PPP2R3B: variants seen among roughly 807,000 people sequenced by gnomAD.
PPP2R3B encodes the protein protein phosphatase 2 regulatory subunit B''beta, also known as serine/threonine-protein phosphatase 2A regulatory subunit B'' subunit beta.
A neutral mutation model predicts 72.9 loss-of-function variants in PPP2R3B; 68 were observed. The ratio of observed to expected loss-of-function variants is 0.93; its 90% CI spans 0.77 to 1.14. The LOEUF (loss-of-function observed/expected upper bound fraction) is 1.14. Among genes scored for constraint, PPP2R3B ranks in the 50% most tolerant of loss-of-function variants. PPP2R3B has a pLI of 0.00. For synonymous variants in PPP2R3B, 466 were observed against 375.8 expected (o/e 1.24, Z -2.78); for missense variants, 1,018 against 842.0 (o/e 1.21, Z -2.59).
chrX:363,651 C>A, intron 1 of PPP2R3B, among the ~76,000 whole-genome samples: 1 of 140,724 alleles, frequency 7.1e-6, no homozygotes, highest in Non-Finnish European at 1.6e-5. Flanking sequence ...CAGTCATCTC[C>A]CTGTGCCCAC....
intron 7 of PPP2R3B, among the ~76,000 whole-genome samples, chrX:343,859 CGCGGGAGTGAGACCTCAGCAACGGGAG>C (rs2071130841): frequency 7.3e-5 from 1 of 13,766 alleles, no homozygotes. Context: ...ACCAAGGAGA[CGCGGGAGTGAGACCTCAGCAACGGGAG>C]GCGGGAGGGA....
At chrX:355,248 T>A (rs979515824) in intron 2 of PPP2R3B, among the ~76,000 whole-genome samples, 1 of 152,146 alleles carries the variant, frequency 6.6e-6, no homozygotes, top group Non-Finnish European at 1.5e-5. Flanking sequence ...AGTAAAAAAA[T>A]ACCACGTACA....
rs1481213674 is a variant in PPP2R3B at position 355,406 on chromosome X, A to C, written c.510+5999T>G. Among the ~76,000 whole-genome samples, 4 of 152,226 alleles carry C rather than the reference A, an allele frequency of 2.6e-5. No homozygotes were observed. The East Asian group carries it at 7.7e-4, about 29-fold the overall frequency. On this transcript the variant is annotated intron_variant, in intron 2 of 12. Coordinates refer to ENST00000390665, the MANE Select transcript of PPP2R3B (RefSeq NM_013239.5). ...TGAGACGGAAGCCTCAATATGGTCA[A>C]GATTCTTCCAAGTTCATCTGGAGTC...
At position 347,520 on chromosome X, in the gene PPP2R3B, C is replaced by A; in HGVS notation, c.614+70G>T. 4 of 1,488,006 alleles carry A rather than the reference C, an allele frequency of 2.7e-6. No homozygotes were observed. The East Asian group carries it at 9.7e-5, about 36-fold the overall frequency. The allele number at this position is 1,488,006 out of a possible 1,614,324, so 92.2% of individuals were successfully genotyped here. A position where few individuals can be genotyped will look rare whatever the true frequency, so the allele number is the denominator to read the frequency against. On this transcript the variant is annotated intron_variant, in intron 3 of 12. Transcript: ENST00000390665. ...TGCGGCAGCCTCAGGGGGCACCCGT[C>A]CTGGCACCACGGGGACCCGGGGACG...
At chrX:370,004 C>T (rs1197939125) in intron 1 of PPP2R3B, among the ~76,000 whole-genome samples, 1 of 152,148 alleles carries the variant, frequency 6.6e-6, no homozygotes, top group African/African-American at 2.4e-5. Flanking sequence ...GAAGGCAGGG[C>T]CTGCTGCAAG....
chrX:343,835 G>T (rs1453999666), intron 7 of PPP2R3B, among the ~76,000 whole-genome samples: 1 of 35,622 alleles, frequency 2.8e-5, no homozygotes, highest in Non-Finnish European at 5.6e-5. Context: ...AACGGGAGGC[G>T]GTAGGGAGAC....
chrX:369,898 CT>C (rs1175380215), intron 1 of PPP2R3B, among the ~76,000 whole-genome samples: 1 of 152,204 alleles, frequency 6.6e-6, no homozygotes, highest in Admixed American at 6.5e-5. Flanking sequence ...GCACGGGAGG[CT>C]GTGGTATGGA....
intron 2 of PPP2R3B, among the ~76,000 whole-genome samples, chrX:353,905 A>G (rs1233650520): frequency 1.6e-5 from 2 of 128,544 alleles, no homozygotes; most frequent in Non-Finnish European, 3.3e-5. Flanking sequence ...GGGCTCACCC[A>G]AAGACTGGGG....
intron 2 of PPP2R3B, 164 bp from the exon 3 acceptor site, chrX:347,857 T>C: frequency 1.7e-6 from 1 of 584,288 alleles, no homozygotes; most frequent in Non-Finnish European, 3.0e-6. Flanking sequence ...AACGTGGCTT[T>C]CGCTCCAGCC....
rs1413718780 is a variant in PPP2R3B at position 345,565 on chromosome X, G to A, written c.987C>T (p.Asp329=). ...CGTCCGCGTCGATGAGCAGGTCGTG[G>A]TCCGTGTCCAGCTCCCAGAACTTGC... ...IYCKFWELDT[D]HDLLIDADDL... is the part of the protein sequence containing the mutation. The change falls in exon 7 of 13, where the codon GAC becomes GAT. Residue 329 remains aspartate (D), a synonymous_variant. Coordinates refer to ENST00000390665, the MANE Select transcript of PPP2R3B (RefSeq NM_013239.5). The A allele has an allele frequency of 1.2e-6, 2 of 1,613,340 alleles. No individual in the cohort carries two copies. Among genetic ancestry groups the A allele is most frequent in the Non-Finnish European group, 8.5e-7 (1 of 1,179,578 alleles).
intron 1 of PPP2R3B, 25 bp from the exon 2 acceptor site, chrX:361,615 A>G (rs776878793): frequency 1.2e-6 from 2 of 1,611,192 alleles, no homozygotes; most frequent in African/African-American, 1.3e-5. Context: ...GACAGCGCTC[A>G]GTTAGAACCT....
intron 2 of PPP2R3B, among the ~76,000 whole-genome samples, chrX:358,191 G>A (rs1348314590): frequency 1.3e-5 from 2 of 152,208 alleles, no homozygotes; most frequent in African/African-American, 4.8e-5. Flanking sequence ...AAAGGCACAC[G>A]ATGGAGACGT....
At chrX:367,073 A>C (rs1347291245) in intron 1 of PPP2R3B, among the ~76,000 whole-genome samples, 1 of 128,880 alleles carries the variant, frequency 7.8e-6, no homozygotes, top group Non-Finnish European at 1.6e-5. Flanking sequence ...TTAGCCCCAA[A>C]TTTACAGAGC....
At position 340,855 on chromosome X, in the gene PPP2R3B, A is replaced by G; in HGVS notation, c.1261T>C (p.Cys421Arg). 1 of 1,612,160 alleles carries G rather than the reference A, an allele frequency of 6.2e-7. No homozygotes were observed. The highest frequency in any genetic ancestry group is 8.5e-7 in the Non-Finnish European group (1 of 1,179,704). ...FELEYFYEEQ[C>R]RRLDSMAIEA... ...ATGGCCATGCTGTCCAGCCTTCGGC[A>G]CTGCTCCTCGTAGAAGTACTCGAGC... Residue 421 changes from cysteine (C) to arginine (R), a missense_variant, in exon 10 of 13, where the codon TGC (cysteine) becomes CGC (arginine). Cys to Arg is a radical substitution (Grantham distance 180, BLOSUM62 -3). Coordinates refer to ENST00000390665, the MANE Select transcript of PPP2R3B (RefSeq NM_013239.5).
At chrX:351,923 G>A (rs1395586158) in intron 2 of PPP2R3B, among the ~76,000 whole-genome samples, 1 of 152,050 alleles carries the variant, frequency 6.6e-6, no homozygotes, top group African/African-American at 2.4e-5. Context: ...TGGAACCCTT[G>A]GCCGCAAGCC....
Position 361,466 on chromosome X carries a change from C to G in PPP2R3B, c.449G>C (p.Ser150Thr). ...CTCGTGGGGGAACCGGGCGAAGGTG[C>G]TCTCGATCTTGCTGATGACGGCATC... is the stretch of plus-strand genomic sequence containing the variant. ...NVDAVISKIE[S>T]TFARFPHERA... The change falls in exon 2 of 13, where the codon AGC becomes ACC. Residue 150 changes from serine to threonine, a missense_variant. By Grantham distance (58) the Ser-to-Thr change is moderately conservative. Coordinates refer to ENST00000390665, the MANE Select transcript of PPP2R3B (RefSeq NM_013239.5). 1 of 1,613,996 alleles carries G rather than the reference C, an allele frequency of 6.2e-7. No homozygotes were observed. Among genetic ancestry groups the G allele is most frequent in the South Asian group, 1.1e-5 (1 of 91,080 alleles).
At chrX:381,593 C>CTTTTTTTT (rs950950107) in intron 1 of PPP2R3B, among the ~76,000 whole-genome samples, 17 of 95,062 alleles carry the variant, frequency 1.8e-4, no homozygotes, top group African/African-American at 6.0e-4. Flanking sequence ...ACAAGCTCAT[C>CTTTTTTTT]TTTTTTTTTT....
chrX:375,946 C>T (rs1359330648), intron 1 of PPP2R3B, among the ~76,000 whole-genome samples: 1 of 152,068 alleles, frequency 6.6e-6, no homozygotes, highest in Non-Finnish European at 1.5e-5. Context: ...GTAATCCCAG[C>T]ACTTTGGGAG....
At chrX:363,856 C>G (rs1043182457) in intron 1 of PPP2R3B, among the ~76,000 whole-genome samples, 3 of 152,274 alleles carry the variant, frequency 2.0e-5, no homozygotes, top group Admixed American at 6.5e-5. Flanking sequence ...CGCGAATATT[C>G]TGCAGTGAGC....
Sources: allele counts gnomAD v4.1 joint callset (sites outside exome capture counted in the v4.1 genomes callset), GRCh38; gene constraint gnomAD v4.1.1; transcripts MANE v1.5; gene names NCBI Gene and HGNC (gene_info 2026-07-23, HGNC 2026-07-21).